NKX6-3: variants seen among roughly 807,000 people sequenced by gnomAD.
NKX6-3 encodes the protein NK6 homeobox 3.
NKX6-3 carries 17 observed loss-of-function variants against 22.0 expected under a neutral mutation model. The ratio of observed to expected loss-of-function variants is 0.77; its 90% CI spans 0.53 to 1.16. The LOEUF is 1.16. Ranked by LOEUF, NKX6-3 falls within the 50% of genes most tolerant of loss-of-function variation. The pLI, the probability that NKX6-3 is intolerant of heterozygous loss-of-function variation, is 0.00. For missense variants in NKX6-3, 363 were observed against 359.0 expected (o/e 1.01, Z -0.09); for synonymous variants, 177 against 167.2 (o/e 1.06, Z -0.45).
chr8:41,647,412 A>G, intron 2 of NKX6-3: 2 of 1,504,302 alleles, frequency 1.3e-6, no homozygotes, highest in East Asian at 4.9e-5. Context: ...AGTTGCCCCC[A>G]GACTCTAAGG....
In NKX6-3 at chr8:41,646,010, C is replaced by G. The variant is rs1804192189; in HGVS notation, c.*439G>C. On this transcript the variant is annotated 3_prime_UTR_variant, in exon 3 of 3. Transcript: ENST00000518699. ...CTTCTGACTCCCCAGCCAGCTGCCT[C>G]CCTCCCTGGGAAGTCCTGCCCACTC... 1 of 213,532 alleles carries G rather than the reference C, an allele frequency of 4.7e-6. No homozygotes were observed. Among genetic ancestry groups the G allele is most frequent in the Non-Finnish European group, 9.2e-6 (1 of 108,662 alleles). The allele number at this position is 213,532 out of a possible 1,614,324, so 13.2% of individuals were successfully genotyped here.
In NKX6-3 at chr8:41,647,975, G is replaced by A. The variant is rs1804246198; in HGVS notation, c.552+91C>T. On this transcript the variant is annotated intron_variant, in intron 2 of 2. Transcript: ENST00000518699. Reference sequence around the variant, plus strand: ...CAGGACAGCTGCCCTCTGGGGGGCTGCGTTGTGTGGCCACCTCTCTCCAAC... The same window carrying A: ...CAGGACAGCTGCCCTCTGGGGGGCTACGTTGTGTGGCCACCTCTCTCCAAC... 1.5e-5 allele frequency: 18 copies of A among 1,208,310 alleles called. No individual in the cohort carries two copies. In the Middle Eastern group the frequency reaches 7.8e-4, roughly 52 times the overall value. The allele number at this position is 1,208,310 out of a possible 1,614,324, so 74.8% of individuals were successfully genotyped here.
Position 41,648,241 on chromosome 8 carries a change from A to G in NKX6-3, c.383-6T>C. On this transcript the variant is annotated splice_region_variant and splice_polypyrimidine_tract_variant and intron_variant, in intron 1 of 2. Transcript: ENST00000518699. ...GTCACTCAGGGGGTCTGGGGCTGGC[A>G]GGAGGAAGGAAGTGTGGGGTTAGTA... The G allele has an allele frequency of 6.5e-7, 1 of 1,532,178 alleles. No homozygotes were observed. Among genetic ancestry groups the G allele is most frequent in the Non-Finnish European group, 8.7e-7 (1 of 1,143,916 alleles). The allele number at this position is 1,532,178 out of a possible 1,614,324, so 94.9% of individuals were successfully genotyped here. A position where few individuals can be genotyped will look rare whatever the true frequency, so the allele number is the denominator to read the frequency against.
rs751111840 is a variant in NKX6-3, at chr8:41,646,653, G to A, written c.594C>T (p.Ser198=). 9.7e-6 allele frequency: 15 copies of A among 1,546,296 alleles called. No homozygotes were observed. In the Admixed American group the frequency reaches 2.9e-4, roughly 30 times the overall value. The change falls in exon 3 of 3, where the codon AGC becomes AGT. Residue 198 remains serine (S), a synonymous_variant. Coordinates refer to ENST00000518699, the MANE Select transcript of NKX6-3 (RefSeq NM_001364841.2). ...GCGTGGAGGACGAGGGCTCCAGGGC[G>A]CTCTTCTTCCGCCACTTGGTCCTGC... is the stretch of plus-strand genomic sequence containing the variant. ...QNRRTKWRKK[S]ALEPSSSTPR... is the part of the protein sequence containing the mutation.
At position 41,650,212 on chromosome 8, in the gene NKX6-3, A is replaced by C; in HGVS notation, c.281T>G (p.Val94Gly). The C allele has an allele frequency of 6.5e-7, 1 of 1,533,944 alleles. No homozygotes were observed. Among genetic ancestry groups the C allele is most frequent in the Non-Finnish European group, 8.7e-7 (1 of 1,145,964 alleles). ...GTTCCCAGCCTTGGAAAAATTCCCT[A>C]CCTGGGGGCTGTAGTAGACCCCCTG... ...SSQGVYYSPQ[V>G]GNFSKAGNEY... Residue 94 changes from valine to glycine, a missense_variant, in exon 1 of 3, where the codon GTA becomes GGA. Transcript: ENST00000518699.
At chr8:41,648,295 C>CGTCTG in intron 1 of NKX6-3, 60 bp from the exon 2 acceptor site, 1 of 1,450,102 alleles carries the variant, frequency 6.9e-7, no homozygotes, top group Non-Finnish European at 9.2e-7. Flanking sequence ...CGGCTAGGCA[C>CGTCTG]GTCTGGCAGG....
chr8:41,648,243 GAGGA>G lies in NKX6-3; in HGVS notation c.383-12_383-9del, dbSNP rs1233393524. 2.8e-5 allele frequency: 43 copies of G among 1,531,554 alleles called. No homozygotes were observed. Among genetic ancestry groups the G allele is most frequent in the Non-Finnish European group, 3.6e-5 (41 of 1,143,618 alleles). 94.9% of individuals were successfully genotyped at this position (1,531,554 alleles called of 1,614,324 possible). ...CACTCAGGGGGTCTGGGGCTGGCAG[GAGGA>G]AGGAAGTGTGGGGTTAGTAGAATAA... On this transcript the variant is annotated splice_polypyrimidine_tract_variant and intron_variant, in intron 1 of 2. Transcript: ENST00000518699.
In NKX6-3 at chr8:41,650,334, G is replaced by A. The variant is rs1804292418; in HGVS notation, c.159C>T (p.His53=). The A allele has an allele frequency of 6.5e-7, 1 of 1,535,078 alleles. No individual in the cohort carries two copies. Among genetic ancestry groups the A allele is most frequent in the Admixed American group, 2.0e-5 (1 of 50,856 alleles). ...GCCTGCTCAGGATGTCCGTGATCCC[G>A]TGGGGGGTTCCGGCGGCCAGCTGGG... The part of the protein sequence containing the change: ...LGPQLAAGTP[H]GITDILSRPV... Residue 53 remains histidine, a synonymous_variant, in exon 1 of 3, where the codon CAC becomes CAT. Coordinates refer to ENST00000518699, the MANE Select transcript of NKX6-3 (RefSeq NM_001364841.2).
At chr8:41,647,048 G>T in intron 2 of NKX6-3, 1 of 846,724 alleles carries the variant, frequency 1.2e-6, no homozygotes, top group African/African-American at 1.7e-5. Context: ...GCTTAGCCCC[G>T]GTGCTCATTG....
At chr8:41,650,028 G>A in intron 1 of NKX6-3, 83 bp downstream of exon 1, 2 of 1,405,216 alleles carry the variant, frequency 1.4e-6, no homozygotes, top group Non-Finnish European at 1.9e-6. Context: ...GGTGCAGGGT[G>A]CCCGGGAGGA....
chr8:41,647,045 CCCG>C, intron 2 of NKX6-3: 1 of 840,814 alleles, frequency 1.2e-6, no homozygotes, highest in South Asian at 1.5e-5. Flanking sequence ...AAGGCTTAGC[CCCG>C]GTGCTCATTG....
rs935891923 is a variant in NKX6-3, at chr8:41,646,229, C to G, written c.*220G>C. ...TGTGCCTCCCTCCTGGCCTCCTCCT[C>G]CCTTAGCTAGGATGCCTGTCCCCTT... is the stretch of plus-strand genomic sequence containing the variant. On this transcript the variant is annotated 3_prime_UTR_variant, in exon 3 of 3. Transcript: ENST00000518699. 7.8e-6 allele frequency: 5 copies of G among 637,148 alleles called. No homozygotes were observed. The highest frequency in any genetic ancestry group is 5.6e-5 in the African/African-American group (3 of 54,008). The allele number at this position is 637,148 out of a possible 1,614,324, so 39.5% of individuals were successfully genotyped here.
In NKX6-3 at chr8:41,646,338, GA is replaced by G. The variant is rs1645985748; in HGVS notation, c.*110del. On this transcript the variant is annotated 3_prime_UTR_variant, in exon 3 of 3. Coordinates refer to ENST00000518699, the MANE Select transcript of NKX6-3 (RefSeq NM_001364841.2). ...CTCCTCCACGCGCCCCTCATCCAAAGAAAGACTCAGTCCCTGCGCCCCCAGG... is the reference window on the plus strand; with the variant it reads ...CTCCTCCACGCGCCCCTCATCCAAAGAAGACTCAGTCCCTGCGCCCCCAGG... The G allele has an allele frequency of 2.8e-5, 7 of 247,610 alleles. No individual in the cohort carries two copies. Among genetic ancestry groups the G allele is most frequent in the Non-Finnish European group, 3.3e-5 (6 of 183,026 alleles). The allele number at this position is 247,610 out of a possible 1,614,324, so 15.3% of individuals were successfully genotyped here. A position where few individuals can be genotyped will look rare whatever the true frequency, so the allele number is the denominator to read the frequency against.
rs1471111676 is a variant in NKX6-3, at chr8:41,650,486, A to G, written c.7T>C (p.Ser3Pro). 1.3e-6 allele frequency: 2 copies of G among 1,534,900 alleles called. No individual in the cohort carries two copies. Among genetic ancestry groups the G allele is most frequent in the East Asian group, 2.4e-5 (1 of 40,862 alleles). MESNLQGTFLLNN... is the reference protein window; with the variant it reads MEPNLQGTFLLNN... ...AGCAGGAACGTCCCCTGCAGGTTGG[A>G]CTCCATGATCTCCCAGTCAGGACAG... is the stretch of plus-strand genomic sequence containing the variant. The change falls in exon 1 of 3, where the codon TCC (serine) becomes CCC (proline). Residue 3 changes from serine (S) to proline (P), a missense_variant. Ser to Pro is a moderately conservative substitution (Grantham distance 74). Around this residue, in one of 3 missense-constraint regions of NKX6-3, gnomAD observed 175 missense variants for 160.9 expected, o/e 1.09. Coordinates refer to ENST00000518699, the MANE Select transcript of NKX6-3 (RefSeq NM_001364841.2).
intron 2 of NKX6-3, chr8:41,647,084 T>C: frequency 8.0e-7 from 1 of 1,245,190 alleles, no homozygotes; most frequent in Admixed American, 2.0e-5. Flanking sequence ...CAGTCCCTAC[T>C]CTGGGCTTCA....
At chr8:41,646,837 A>C (rs560264614) in intron 2 of NKX6-3, 143 bp from the exon 3 acceptor site, 5 of 1,257,272 alleles carry the variant, frequency 4.0e-6, no homozygotes, top group African/African-American at 1.6e-5. Context: ...AGGACAATAA[A>C]ATTTAAAAAC....
In NKX6-3 at chr8:41,646,639, G is replaced by GT. The variant is rs1407322973; in HGVS notation, c.607_608insA (p.Ser203TyrfsTer99). ...GCCCGGGGCCCGGGGCGTGGAGGAC[G>GT]AGGGCTCCAGGGCGCTCTTCTTCCG... On this transcript the variant is annotated frameshift_variant, in exon 3 of 3. Coordinates refer to ENST00000518699, the MANE Select transcript of NKX6-3 (RefSeq NM_001364841.2). LOFTEE classifies it high-confidence loss of function. 1.9e-6 allele frequency: 3 copies of GT among 1,551,442 alleles called. No homozygotes were observed. The African/African-American group carries it at 4.1e-5, about 21-fold the overall frequency.
chr8:41,647,035 A>G (rs1804226889), intron 2 of NKX6-3, among the ~76,000 whole-genome samples: 1 of 144,002 alleles, frequency 6.9e-6, no homozygotes, highest in Non-Finnish European at 1.5e-5. Flanking sequence ...GCGCGGGTGG[A>G]AGGCTTAGCC....
At chr8:41,647,227 T>C in intron 2 of NKX6-3, 3 of 1,612,628 alleles carry the variant, frequency 1.9e-6, no homozygotes, top group Non-Finnish European at 2.5e-6. Context: ...GAGTGTCTGC[T>C]TCTTCCCCCC....
Sources: allele counts gnomAD v4.1 joint callset (sites outside exome capture counted in the v4.1 genomes callset), GRCh38; gene constraint gnomAD v4.1.1; regional missense constraint gnomAD v4.1.1; transcripts MANE v1.5; gene names NCBI Gene and HGNC (gene_info 2026-07-23, HGNC 2026-07-21).